TMC3: variants seen among roughly 807,000 people sequenced by gnomAD.
TMC3 encodes transmembrane channel like 3.
TMC3 carries 98 observed loss-of-function variants against 110.6 expected under a neutral mutation model. The observed-to-expected ratio is 0.89, with a 90% confidence interval of 0.75 to 1.05. The LOEUF (loss-of-function observed/expected upper bound fraction) is 1.05, where lower values mean the gene tolerates loss of function less well. TMC3 is among the 50% of genes least tolerant of loss of function. The pLI, the probability that TMC3 is intolerant of heterozygous loss-of-function variation, is 0.00. For missense variants in TMC3, 1,319 were observed against 1,373.2 expected, an observed-to-expected ratio of 0.96 and a Z score of 0.62; for synonymous variants, 489 against 513.1, an observed-to-expected ratio of 0.95 and a Z score of 0.63.
chr15:81,372,061 T>A (rs1894445183), intron 2 of TMC3, among the ~76,000 whole-genome samples: 1 of 152,172 alleles, frequency 6.6e-6, no homozygotes, highest in African/African-American at 2.4e-5. Context: ...ATAGACAGAC[T>A]ATTTAATATG....
At chr15:81,350,894 G>T (rs1214039209) in intron 10 of TMC3, among the ~76,000 whole-genome samples, 6 of 152,202 alleles carry the variant, frequency 3.9e-5, no homozygotes, top group Non-Finnish European at 8.8e-5. Flanking sequence ...CACAACGGGG[G>T]TTGGGGGGGA....
In TMC3 at chr15:81,359,462, C is replaced by T. The variant is rs776869484; in HGVS notation, c.404G>A (p.Gly135Glu). Residue 135 changes from glycine to glutamate, a missense_variant, in exon 5 of 22, where the codon GGA (glycine) becomes GAA (glutamate). Coordinates refer to ENST00000359440, the MANE Select transcript of TMC3 (RefSeq NM_001080532.3). Reference protein sequence around the residue: ...MRIKKIESHFGSGVASYFIFL... With the variant: ...MRIKKIESHFESGVASYFIFL... Reference sequence around the variant, plus strand: ...TATGAAATAGGAGGCAACGCCAGATCCAAAATGACCTAAAGAAAGACAAGA... The same window carrying T: ...TATGAAATAGGAGGCAACGCCAGATTCAAAATGACCTAAAGAAAGACAAGA... 3 of 1,585,020 alleles carry T rather than the reference C, an allele frequency of 1.9e-6. No individual in the cohort carries two copies. The highest frequency in any genetic ancestry group is 1.7e-6 in the Non-Finnish European group (2 of 1,166,954).
chr15:81,352,600 A>G (rs1893974882), intron 9 of TMC3, among the ~76,000 whole-genome samples: 1 of 152,196 alleles, frequency 6.6e-6, no homozygotes, highest in Admixed American at 6.5e-5. Context: ...CTACTTATTT[A>G]AAACAAAATG....
At chr15:81,341,980 A>G (rs1241367433) in intron 15 of TMC3, among the ~76,000 whole-genome samples, 2 of 152,218 alleles carry the variant, frequency 1.3e-5, no homozygotes, top group Non-Finnish European at 2.9e-5. Context: ...CTCTTCTGCA[A>G]TAGTGAGAGG....
At chr15:81,349,625 C>G in intron 10 of TMC3, 58 bp from the exon 11 acceptor site, 2 of 1,047,486 alleles carry the variant, frequency 1.9e-6, no homozygotes, top group Non-Finnish European at 2.6e-6. Flanking sequence ...CCAGCCCTCA[C>G]CATGTGCATT....
chr15:81,337,845 C>T lies in TMC3; in HGVS notation c.2160+1G>A, dbSNP rs759024045. On this transcript the variant is annotated splice_donor_variant, in intron 19 of 21. Transcript: ENST00000359440. LOFTEE classifies it high-confidence loss of function. ...AATAGCAAAGTTCATGAAATACTTGCGTTTTGGATCTGCATTTTGAGCTGG... is the reference window on the plus strand; with the variant it reads ...AATAGCAAAGTTCATGAAATACTTGTGTTTTGGATCTGCATTTTGAGCTGG... 1.5e-5 allele frequency: 24 copies of T among 1,612,410 alleles called. No individual in the cohort carries two copies. The highest frequency in any genetic ancestry group is 1.3e-4 in the African/African-American group (10 of 74,886).
intron 10 of TMC3, among the ~76,000 whole-genome samples, chr15:81,350,257 G>T (rs1326705614): frequency 6.6e-6 from 1 of 152,146 alleles, no homozygotes; most frequent in Non-Finnish European, 1.5e-5. Context: ...GGATTCACTA[G>T]CATTTCTGCC....
In TMC3 at chr15:81,337,853, A is replaced by G; in HGVS notation, c.2153T>C (p.Ile718Thr). ...AGTTCATGAAATACTTGCGTTTTGG[A>G]TCTGCATTTTGAGCTGGTGGTTGCT... ...KLSNHQLKMQ[I>T]QNARSEDKKK... The change falls in exon 19 of 22, where the codon ATC becomes ACC. Residue 718 changes from isoleucine (I) to threonine (T), a missense_variant. Ile to Thr is a moderately conservative substitution (Grantham distance 89, BLOSUM62 -1). Transcript: ENST00000359440. 2 of 1,613,608 alleles carry G rather than the reference A, an allele frequency of 1.2e-6. 1 individual carries two copies. The highest frequency in any genetic ancestry group is 1.7e-6 in the Non-Finnish European group (2 of 1,179,536).
chr15:81,371,664 C>A (rs991157974), intron 2 of TMC3, among the ~76,000 whole-genome samples: 1 of 152,174 alleles, frequency 6.6e-6, no homozygotes, highest in African/African-American at 2.4e-5. Flanking sequence ...CTGTTAAATA[C>A]CAGATACAAT....
At chr15:81,356,778 A>G (rs1401849372) in intron 7 of TMC3, among the ~76,000 whole-genome samples, 184 bp from the exon 8 acceptor site, 1 of 152,198 alleles carries the variant, frequency 6.6e-6, no homozygotes, top group Non-Finnish European at 1.5e-5. Flanking sequence ...GACCTCAGCA[A>G]CACTTTGGAA....
At chr15:81,344,174 C>A in intron 13 of TMC3, 129 bp from the exon 14 acceptor site, 1 of 909,986 alleles carries the variant, frequency 1.1e-6, no homozygotes, top group Middle Eastern at 3.6e-4. Flanking sequence ...ATGGCATCTT[C>A]ATTTCTCATC....
At chr15:81,363,583 G>T (rs1172794952) in intron 3 of TMC3, among the ~76,000 whole-genome samples, 1 of 152,174 alleles carries the variant, frequency 6.6e-6, no homozygotes, top group Non-Finnish European at 1.5e-5. Flanking sequence ...AATTTTATCA[G>T]AAGTTTATCA....
chr15:81,368,004 G>A (rs766087414), intron 3 of TMC3, among the ~76,000 whole-genome samples: 67 of 151,852 alleles, frequency 4.4e-4, no homozygotes, highest in Non-Finnish European at 8.1e-4. Context: ...GCGTGATCTC[G>A]GCTCACTGCA....
At chr15:81,342,156 C>T (rs1480553604) in intron 15 of TMC3, among the ~76,000 whole-genome samples, 1 of 152,176 alleles carries the variant, frequency 6.6e-6, no homozygotes, top group Non-Finnish European at 1.5e-5. Flanking sequence ...GACTTATGGT[C>T]ACCCTGAAAA....
At chr15:81,372,018 G>T (rs1894444571) in intron 2 of TMC3, among the ~76,000 whole-genome samples, 1 of 151,944 alleles carries the variant, frequency 6.6e-6, no homozygotes, top group African/African-American at 2.4e-5. Flanking sequence ...TTGAATCAGG[G>T]AATCTATTTT....
intron 14 of TMC3, 111 bp downstream of exon 14, chr15:81,343,806 T>G (rs893259529): frequency 2.5e-5 from 30 of 1,218,006 alleles, no homozygotes; most frequent in South Asian, 2.5e-4. Flanking sequence ...CCACTTGTAT[T>G]CTCTTTCCGT....
intron 2 of TMC3, among the ~76,000 whole-genome samples, chr15:81,370,116 A>G (rs1440324477): frequency 1.3e-5 from 2 of 152,282 alleles, no homozygotes; most frequent in South Asian, 2.1e-4. Context: ...TCATAGACCT[A>G]TGCTGATTTC....
At chr15:81,348,460 T>C (rs867932351) in intron 11 of TMC3, among the ~76,000 whole-genome samples, 6 of 152,172 alleles carry the variant, frequency 3.9e-5, no homozygotes, top group South Asian at 2.1e-4. Context: ...GGCAAATTTT[T>C]CAGGAAAATA....
intron 11 of TMC3, among the ~76,000 whole-genome samples, chr15:81,348,014 T>C (rs1339328438): frequency 6.6e-6 from 1 of 152,228 alleles, no homozygotes; most frequent in African/African-American, 2.4e-5. Context: ...TTGGAAATTA[T>C]GGCCTTCAAA....
Sources: allele counts gnomAD v4.1 joint callset (sites outside exome capture counted in the v4.1 genomes callset), GRCh38; gene constraint gnomAD v4.1.1; transcripts MANE v1.5; gene names NCBI Gene and HGNC (gene_info 2026-07-23, HGNC 2026-07-21).